The following BBX variants were observed in gnomAD, a reference collection of about 807,000 sequenced individuals.
BBX encodes the protein BBX high mobility group box domain containing.
In BBX, 30 loss-of-function variants were observed where a neutral mutation model predicts 100.2. The observed-to-expected ratio is 0.30, with a 90% CI of 0.22 to 0.41. The LOEUF is 0.41. BBX is among the 10% of genes least tolerant of loss of function. BBX has a pLI of 1.00. For missense variants in BBX, 1,023 were observed against 1,129.8 expected (o/e 0.91, Z 1.35); for synonymous variants, 376 against 388.1 (o/e 0.97, Z 0.37).
chr3:107,737,899 T>TTG (rs1428851710), intron 7 of BBX, among the ~76,000 whole-genome samples: 2 of 141,888 alleles, frequency 1.4e-5, no homozygotes, highest in South Asian at 2.3e-4. Flanking sequence ...TTTTTTTTTT[T>TTG]TTTTTTTTTT....
rs539193566 is a variant in BBX at position 107,610,440 on chromosome 3, G to C, written c.-83-35396G>C. 3.9e-4 allele frequency among the ~76,000 whole-genome samples: 60 copies of C among 152,108 alleles called. 2 individuals carry two copies. In the South Asian group the frequency reaches 0.011, roughly 29 times the overall value. On this transcript the variant is annotated intron_variant, in intron 2 of 17. Transcript: ENST00000325805. ...TTTTCTGTCCAGTGCTGAAAGTGGGGTGTTGAAGTCTGCAGCTCTTATTGG... is the reference window on the plus strand; with the variant it reads ...TTTTCTGTCCAGTGCTGAAAGTGGGCTGTTGAAGTCTGCAGCTCTTATTGG...
chr3:107,770,178 A>G (rs903550831), intron 10 of BBX, among the ~76,000 whole-genome samples: 10 of 152,196 alleles, frequency 6.6e-5, no homozygotes, highest in Admixed American at 1.3e-4. Context: ...TTCAGGGGTG[A>G]TGAGAGAATC....
At chr3:107,616,005 CTTTTTTTTTTTTTTTTTTTTT>C (rs59614452) in intron 2 of BBX, among the ~76,000 whole-genome samples, 7 of 19,248 alleles carry the variant, frequency 3.6e-4, no homozygotes, top group African/African-American at 7.6e-4. Flanking sequence ...TACTCACCTG[CTTTTTTTTTTTTTTTTTTTTT>C]TTTTTTTTTT....
At chr3:107,561,997 C>CT (rs1336440696) in intron 2 of BBX, among the ~76,000 whole-genome samples, 1 of 152,018 alleles carries the variant, frequency 6.6e-6, no homozygotes, top group Non-Finnish European at 1.5e-5. Context: ...TGAGTTGTAC[C>CT]TTTTTTGAAA....
chr3:107,593,773 G>T (rs143044045), intron 2 of BBX, among the ~76,000 whole-genome samples: 1 of 152,030 alleles, frequency 6.6e-6, no homozygotes, highest in Admixed American at 6.6e-5. Context: ...AAAACAAAAC[G>T]AAACAAACAA....
At chr3:107,764,258 C>T (rs748945579) in intron 10 of BBX, among the ~76,000 whole-genome samples, 17 of 152,092 alleles carry the variant, frequency 1.1e-4, no homozygotes, top group Admixed American at 2.6e-4. Flanking sequence ...TCCCAAAGTG[C>T]GGGGATTACA....
intron 3 of BBX, among the ~76,000 whole-genome samples, chr3:107,648,679 C>A (rs924609647): frequency 2.0e-5 from 3 of 152,152 alleles, no homozygotes; most frequent in Non-Finnish European, 2.9e-5. Flanking sequence ...TTCTAAGATA[C>A]TCTACCTGAG....
chr3:107,626,034 A>C (rs1399033648), intron 2 of BBX, among the ~76,000 whole-genome samples: 2 of 152,188 alleles, frequency 1.3e-5, no homozygotes, highest in African/African-American at 2.4e-5. Context: ...AGTTCTGGAC[A>C]TATTACATGC....
chr3:107,691,311 A>G (rs1039972247), intron 3 of BBX, among the ~76,000 whole-genome samples: 6 of 152,170 alleles, frequency 3.9e-5, no homozygotes, highest in African/African-American at 9.7e-5. Context: ...ATCTTTTGTA[A>G]ATAAATGTCA....
At chr3:107,690,987 C>T (rs1178859826) in intron 3 of BBX, among the ~76,000 whole-genome samples, 1 of 140,152 alleles carries the variant, frequency 7.1e-6, no homozygotes, top group Non-Finnish European at 1.5e-5. Flanking sequence ...GCACCCTCTA[C>T]CTCCTGGCTC....
chr3:107,710,642 T>A lies in BBX; in HGVS notation c.162+20T>A. ...GATAAGGTAAGTCCTATATTTACCA[T>A]AGAAGTTTCAAGTTTATTAGAGCAA... On this transcript the variant is annotated intron_variant, in intron 4 of 17. Coordinates refer to ENST00000325805, the MANE Select transcript of BBX (RefSeq NM_001142568.3). 6 of 1,569,358 alleles carry A rather than the reference T, an allele frequency of 3.8e-6. No individual in the cohort carries two copies. Among genetic ancestry groups the A allele is most frequent in the Non-Finnish European group, 5.2e-6 (6 of 1,158,036 alleles).
chr3:107,661,667 T>C (rs1451567523), intron 3 of BBX, among the ~76,000 whole-genome samples: 1 of 152,196 alleles, frequency 6.6e-6, no homozygotes. Context: ...GATTGCCAGC[T>C]TCCTCCCTGT....
intron 3 of BBX, among the ~76,000 whole-genome samples, chr3:107,668,916 T>C (rs1288205673): frequency 6.6e-6 from 1 of 152,182 alleles, no homozygotes; most frequent in Non-Finnish European, 1.5e-5. Context: ...TTCTCCTTTT[T>C]CTTGATTTAT....
chr3:107,782,231 A>G (rs1209350570), intron 13 of BBX, among the ~76,000 whole-genome samples: 2 of 152,126 alleles, frequency 1.3e-5, no homozygotes, highest in Non-Finnish European at 2.9e-5. Context: ...ATTGTGACTG[A>G]TTGACTCAGA....
intron 2 of BBX, among the ~76,000 whole-genome samples, chr3:107,531,878 G>A (rs886154985): frequency 6.6e-6 from 1 of 152,178 alleles, no homozygotes; most frequent in South Asian, 2.1e-4. Context: ...GTGACTTATA[G>A]ATATTAGAAT....
chr3:107,726,214 T>G (rs2062920919), intron 5 of BBX, among the ~76,000 whole-genome samples: 1 of 152,036 alleles, frequency 6.6e-6, no homozygotes, highest in South Asian at 2.1e-4. Flanking sequence ...GCCTTTCTAC[T>G]ATTGTCTTTT....
chr3:107,561,830 G>T (rs891356625), intron 2 of BBX, among the ~76,000 whole-genome samples: 1 of 151,934 alleles, frequency 6.6e-6, no homozygotes, highest in Non-Finnish European at 1.5e-5. Context: ...AAATTTGGGT[G>T]GTAAGTTCAT....
chr3:107,590,442 A>G (rs890867181), intron 2 of BBX, among the ~76,000 whole-genome samples: 19 of 152,190 alleles, frequency 1.2e-4, no homozygotes, highest in African/African-American at 4.3e-4. Context: ...TGATAAGTAT[A>G]GTCACCCTAT....
rs2068991832 is a variant in BBX, at chr3:107,791,264, A to G, written c.2318A>G (p.Lys773Arg). 6.2e-7 allele frequency: 1 copy of G among 1,613,384 alleles called. No individual in the cohort carries two copies. Among genetic ancestry groups the G allele is most frequent in the African/African-American group, 1.3e-5 (1 of 74,924 alleles). Reference protein sequence around the residue: ...EKGSGDKWSNKQLFLDAIHPT... With the variant: ...EKGSGDKWSNRQLFLDAIHPT... ...GGAAGTGGGGATAAATGGTCAAACA[A>G]GCAACTCTTCTTGGATGCCATTCAC... The change falls in exon 15 of 18, where the codon AAG (lysine) becomes AGG (arginine). Residue 773 changes from lysine to arginine, a missense_variant. Physicochemically the swap from Lys to Arg is conservative, Grantham distance 26 (BLOSUM62 2). This residue lies in a region of BBX where 215 missense variants were observed against 211.3 expected (regional missense o/e 1.02). Coordinates refer to ENST00000325805, the MANE Select transcript of BBX (RefSeq NM_001142568.3).
Sources: allele counts gnomAD v4.1 joint callset (sites outside exome capture counted in the v4.1 genomes callset), GRCh38; gene constraint gnomAD v4.1.1; regional missense constraint gnomAD v4.1.1; transcripts MANE v1.5; gene names NCBI Gene and HGNC (gene_info 2026-07-23, HGNC 2026-07-21).